The following GABBR1 variants were observed in gnomAD, a reference collection of about 807,000 sequenced individuals.
GABBR1 encodes gamma-aminobutyric acid type B receptor subunit 1.
Under a neutral mutation model 117.7 loss-of-function variants are expected in GABBR1, and 35 were observed. The observed-to-expected ratio is 0.30, with a 90% confidence interval of 0.23 to 0.39. The LOEUF (loss-of-function observed/expected upper bound fraction) is 0.39, where lower values mean the gene tolerates loss of function less well. Among genes scored for constraint, GABBR1 ranks in the 10% least tolerant of loss-of-function variants. The pLI is 1.00. For missense variants in GABBR1, 709 were observed against 1,241.8 expected, an observed-to-expected ratio of 0.57 and a Z score of 6.45; for synonymous variants, 442 against 486.6, an observed-to-expected ratio of 0.91 and a Z score of 1.21.
At chr6:29,626,788 A>G (rs567201657) in intron 6 of GABBR1, among the ~76,000 whole-genome samples, 81 of 151,828 alleles carry the variant, frequency 5.3e-4, no homozygotes, top group Non-Finnish European at 8.7e-4. Context: ...TCCCCATGCT[A>G]TTGTGGGGGT....
chr6:29,618,248 C>T (rs62406588), intron 11 of GABBR1, among the ~76,000 whole-genome samples: 63 of 152,344 alleles, frequency 4.1e-4, no homozygotes, highest in African/African-American at 1.3e-3. Context: ...CAGCACGATG[C>T]GGTCCCCTGC....
chr6:29,622,057 A>C lies in GABBR1; in HGVS notation c.1065+47T>G. ...CCTCTCCAACCAGTCACTGTCCCCC[A>C]GCTTGGTCCCTCCGTAAACAGAGCC... On this transcript the variant is annotated intron_variant, in intron 9 of 22. Transcript: ENST00000377034. This position sits in a 1 kb window ranked among gnomAD's most constrained non-coding sequence, Gnocchi z 4.6. 6.6e-7 allele frequency: 1 copy of C among 1,516,540 alleles called. No individual in the cohort carries two copies. The highest frequency in any genetic ancestry group is 9.2e-7 in the Non-Finnish European group (1 of 1,092,204). 93.9% of individuals were successfully genotyped at this position (1,516,540 alleles called of 1,614,324 possible).
chr6:29,610,666 C>T (rs1762446067), intron 14 of GABBR1, among the ~76,000 whole-genome samples: 1 of 151,904 alleles, frequency 6.6e-6, no homozygotes, highest in African/African-American at 2.4e-5. Flanking sequence ...CCACCCCCTG[C>T]CTCTAATCCC....
At position 29,623,238 on chromosome 6, in the gene GABBR1, A is replaced by G; in HGVS notation, c.963+67T>C. ...GTTCTTGCCCCTAAAAGTGACTCTCACGTCACATCTCCTGGTGCTGGAATT... is the reference window on the plus strand; with the variant it reads ...GTTCTTGCCCCTAAAAGTGACTCTCGCGTCACATCTCCTGGTGCTGGAATT... On this transcript the variant is annotated intron_variant, in intron 8 of 22. Transcript: ENST00000377034. The surrounding 1 kb of genome is among the most constrained non-coding windows in gnomAD (Gnocchi z 6.2). 1 of 1,438,362 alleles carries G rather than the reference A, an allele frequency of 7.0e-7. No homozygotes were observed. Among genetic ancestry groups the G allele is most frequent in the Non-Finnish European group, 9.6e-7 (1 of 1,044,766 alleles). 89.1% of individuals were successfully genotyped at this position (1,438,362 alleles called of 1,614,324 possible).
chr6:29,606,241 T>G lies in GABBR1; in HGVS notation c.2311+150A>C. Reference sequence around the variant, plus strand: ...ACTCTCCCCTATTCTCAGAAAAGATTAGTGCAATAACAAAGAGTAGGGTGT... The same window carrying G: ...ACTCTCCCCTATTCTCAGAAAAGATGAGTGCAATAACAAAGAGTAGGGTGT... On this transcript the variant is annotated intron_variant, in intron 19 of 22. Coordinates refer to ENST00000377034, the MANE Select transcript of GABBR1 (RefSeq NM_001470.4). This position sits in a 1 kb window ranked among gnomAD's most constrained non-coding sequence, Gnocchi z 4.5. The G allele has an allele frequency of 1.5e-6, 1 of 665,358 alleles. No homozygotes were observed. The highest frequency in any genetic ancestry group is 2.7e-6 in the Non-Finnish European group (1 of 367,876). 41.2% of individuals were successfully genotyped at this position (665,358 alleles called of 1,614,324 possible).
At position 29,623,880 on chromosome 6, in the gene GABBR1, C is replaced by T; in HGVS notation, c.792+10G>A. On this transcript the variant is annotated intron_variant, in intron 7 of 22. Coordinates refer to ENST00000377034, the MANE Select transcript of GABBR1 (RefSeq NM_001470.4). This position sits in a 1 kb window ranked among gnomAD's most constrained non-coding sequence, Gnocchi z 6.2. ...TGACCCCATCTTCTGACCCCCATAGCCCTGCTTACCACAATGAGGTTCCAC... is the reference window on the plus strand; with the variant it reads ...TGACCCCATCTTCTGACCCCCATAGTCCTGCTTACCACAATGAGGTTCCAC... 6.2e-7 allele frequency: 1 copy of T among 1,611,720 alleles called. No homozygotes were observed. The highest frequency in any genetic ancestry group is 1.1e-5 in the South Asian group (1 of 90,848).
intron 5 of GABBR1, 106 bp downstream of exon 5, chr6:29,628,981 G>A: frequency 1.5e-6 from 2 of 1,368,202 alleles, no homozygotes; most frequent in Non-Finnish European, 2.1e-6. Context: ...GGGAAGGTGC[G>A]AAAGGACGAC....
chr6:29,623,877 T>C lies in GABBR1; in HGVS notation c.792+13A>G, dbSNP rs1465464420. 4.3e-6 allele frequency: 7 copies of C among 1,611,508 alleles called. No individual in the cohort carries two copies. Among genetic ancestry groups the C allele is most frequent in the Non-Finnish European group, 5.9e-6 (7 of 1,179,318 alleles). ...GAATGACCCCATCTTCTGACCCCCA[T>C]AGCCCTGCTTACCACAATGAGGTTC... On this transcript the variant is annotated intron_variant, in intron 7 of 22. Transcript: ENST00000377034. This position sits in a 1 kb window ranked among gnomAD's most constrained non-coding sequence, Gnocchi z 6.2.
intron 12 of GABBR1, among the ~76,000 whole-genome samples, chr6:29,612,917 TC>T (rs140755314): frequency 6.6e-6 from 1 of 152,318 alleles, no homozygotes; most frequent in Non-Finnish European, 1.5e-5. Flanking sequence ...TGGAAACTAA[TC>T]TTTTCATTTT....
chr6:29,626,720 CT>C (rs1764311320), intron 6 of GABBR1, among the ~76,000 whole-genome samples: 1 of 151,522 alleles, frequency 6.6e-6, no homozygotes, highest in South Asian at 2.1e-4. Flanking sequence ...CTCCTTGCCC[CT>C]CTCCCCCACT....
In GABBR1 at chr6:29,627,903, G is replaced by T. The variant is rs1292022456; in HGVS notation, c.497-257C>A. 34 of 1,360,434 alleles carry T rather than the reference G, an allele frequency of 2.5e-5. No individual in the cohort carries two copies. Among genetic ancestry groups the T allele is most frequent in the Non-Finnish European group, 3.1e-5 (33 of 1,065,186 alleles). 84.3% of individuals were successfully genotyped at this position (1,360,434 alleles called of 1,614,324 possible). On this transcript the variant is annotated intron_variant, in intron 5 of 22. Transcript: ENST00000377034. The surrounding 1 kb of genome is among the most constrained non-coding windows in gnomAD (Gnocchi z 4.4). ...GGGAGGCGCCTCCATCCCTGATTTTGTGGGGAGGAGGGGGCGAGGGCCCCG... is the reference window on the plus strand; with the variant it reads ...GGGAGGCGCCTCCATCCCTGATTTTTTGGGGAGGAGGGGGCGAGGGCCCCG...
chr6:29,605,490 G>T lies in GABBR1; in HGVS notation c.2439+79C>A. 2 of 1,522,060 alleles carry T rather than the reference G, an allele frequency of 1.3e-6. No individual in the cohort carries two copies. The highest frequency in any genetic ancestry group is 1.8e-6 in the Non-Finnish European group (2 of 1,117,334). 94.3% of individuals were successfully genotyped at this position (1,522,060 alleles called of 1,614,324 possible). A position where few individuals can be genotyped will look rare whatever the true frequency, so the allele number is the denominator to read the frequency against. On this transcript the variant is annotated intron_variant, in intron 20 of 22. Transcript: ENST00000377034. This position sits in a 1 kb window ranked among gnomAD's most constrained non-coding sequence, Gnocchi z 4.2. ...TTCTAAGCAACCGATCCCAGATCTA[G>T]CATTGATTCTTCCTAGTCCTCTATA...
rs762669897 is a variant in GABBR1 at position 29,630,549 on chromosome 6, A to G, written c.384T>C (p.Asp128=). Residue 128 remains aspartate (D), a synonymous_variant, in exon 4 of 23, where the codon GAT becomes GAC. Coordinates refer to ENST00000377034, the MANE Select transcript of GABBR1 (RefSeq NM_001470.4). The surrounding 1 kb of genome is among the most constrained non-coding windows in gnomAD (Gnocchi z 4.9). ...DLPALDGARV[D]FRCDPDFHLV... Reference sequence around the variant, plus strand: ...GATGGAAGTCGGGGTCACACCGGAAATCCACCCGGGCTCCGTCCAGAGCTG... The same window carrying G: ...GATGGAAGTCGGGGTCACACCGGAAGTCCACCCGGGCTCCGTCCAGAGCTG... 6.2e-7 allele frequency: 1 copy of G among 1,613,094 alleles called. No individual in the cohort carries two copies. The highest frequency in any genetic ancestry group is 8.5e-7 in the Non-Finnish European group (1 of 1,180,030).
At chr6:29,629,015 T>C in intron 5 of GABBR1, 72 bp downstream of exon 5, 1 of 1,582,216 alleles carries the variant, frequency 6.3e-7, no homozygotes, top group Non-Finnish European at 8.7e-7. Context: ...AGGGCAGAAT[T>C]TCAGGGGGGT....
At position 29,609,229 on chromosome 6, in the gene GABBR1, C is replaced by T. The variant is rs770127438; in HGVS notation, c.1859G>A (p.Arg620His). ...LSFNIYNSHV[R>H]YIQNSQPNLN... ...GGAAAACGTCAGAAGAGAAACTTAC[C>T]GGACATGTGAGTTGTAGATGTTAAA... Residue 620 changes from arginine (R) to histidine (H), a missense_variant and splice_region_variant, in exon 15 of 23, where the codon CGT (arginine) becomes CAT (histidine). By Grantham distance (29) the Arg-to-His change is conservative. Transcript: ENST00000377034. The surrounding 1 kb of genome is among the most constrained non-coding windows in gnomAD (Gnocchi z 4.3). 2 of 1,612,756 alleles carry T rather than the reference C, an allele frequency of 1.2e-6. No homozygotes were observed. Among genetic ancestry groups the T allele is most frequent in the Admixed American group, 1.7e-5 (1 of 60,004 alleles).
At position 29,623,182 on chromosome 6, in the gene GABBR1, T is replaced by C. The variant is rs1763934876; in HGVS notation, c.963+123A>G. 5.9e-6 allele frequency: 5 copies of C among 843,350 alleles called. No individual in the cohort carries two copies. Among genetic ancestry groups the C allele is most frequent in the South Asian group, 3.8e-5 (2 of 53,106 alleles). 52.2% of individuals were successfully genotyped at this position (843,350 alleles called of 1,614,324 possible). On this transcript the variant is annotated intron_variant, in intron 8 of 22. Transcript: ENST00000377034. The surrounding 1 kb of genome is among the most constrained non-coding windows in gnomAD (Gnocchi z 6.2). ...CAGAAAGAACTGCACTTAATCCACA[T>C]GGAATGCGTTCTCTTTCAATGAAGA...
chr6:29,631,707 T>G lies in GABBR1; in HGVS notation c.86-108A>C. The G allele has an allele frequency of 1.1e-6, 1 of 933,946 alleles. No individual in the cohort carries two copies. Among genetic ancestry groups the G allele is most frequent in the Admixed American group, 1.9e-5 (1 of 51,816 alleles). The allele number at this position is 933,946 out of a possible 1,614,324, so 57.9% of individuals were successfully genotyped here. On this transcript the variant is annotated intron_variant, in intron 2 of 22. Transcript: ENST00000377034. The surrounding 1 kb of genome is among the most constrained non-coding windows in gnomAD (Gnocchi z 5.9). ...AGTAGGGCGTGGTCTGTGGGCAGGCTGGGGACAGAGGAAGAGGGATGGGGC... is the reference window on the plus strand; with the variant it reads ...AGTAGGGCGTGGTCTGTGGGCAGGCGGGGGACAGAGGAAGAGGGATGGGGC...
At chr6:29,615,739 A>G (rs1434125230) in intron 11 of GABBR1, among the ~76,000 whole-genome samples, 1 of 152,038 alleles carries the variant, frequency 6.6e-6, no homozygotes, top group Non-Finnish European at 1.5e-5. Context: ...TGGGCAAAAC[A>G]GAGAGGACCC....
chr6:29,603,263 A>G lies in GABBR1; in HGVS notation c.*280T>C, dbSNP rs1209010896. On this transcript the variant is annotated 3_prime_UTR_variant, in exon 23 of 23. Coordinates refer to ENST00000377034, the MANE Select transcript of GABBR1 (RefSeq NM_001470.4). ...GATGCAGTGAGGCTGCTGAGGAGGC[A>G]GCGTGTGAGCAGTGAGCAGCTTCAA... The G allele has an allele frequency of 3.2e-6, 2 of 628,030 alleles. No individual in the cohort carries two copies. Among genetic ancestry groups the G allele is most frequent in the Admixed American group, 4.2e-5 (2 of 47,434 alleles). The allele number at this position is 628,030 out of a possible 1,614,324, so 38.9% of individuals were successfully genotyped here. A position where few individuals can be genotyped will look rare whatever the true frequency, so the allele number is the denominator to read the frequency against.
Sources: gnomAD v4.1 joint callset for allele counts (sites outside exome capture counted in the v4.1 genomes callset) on GRCh38, gnomAD v4.1.1 for gene constraint, Gnocchi (gnomAD v3.1) non-coding constraint, MANE v1.5 for transcripts, NCBI Gene and HGNC (gene_info 2026-07-23, HGNC 2026-07-21) for gene names.